Variants in SLC2A1 observed in about 807,000 individuals in gnomAD.
SLC2A1 encodes solute carrier family 2, facilitated glucose transporter member 1.
In SLC2A1, 4 loss-of-function variants were observed where a neutral mutation model predicts 46.6. The observed-to-expected ratio is 0.09, with a 90% CI of 0.04 to 0.20. The LOEUF (loss-of-function observed/expected upper bound fraction) is 0.20. SLC2A1 is among the 10% of genes least tolerant of loss of function. The pLI is 1.00. For synonymous variants in SLC2A1, 253 were observed against 270.0 expected, an observed-to-expected ratio of 0.94 and a Z score of 0.62; for missense variants, 352 against 667.0, an observed-to-expected ratio of 0.53 and a Z score of 5.20.
At chr1:42,943,419 C>T (rs945445972) in intron 1 of SLC2A1, 98 bp from the exon 2 acceptor site, 55 of 915,788 alleles carry the variant, frequency 6.0e-5, no homozygotes, top group Middle Eastern at 4.1e-4. Context: ...AGATATCTTG[C>T]CTGACTCTTG....
chr1:42,944,452 C>T (rs1347667173), intron 1 of SLC2A1, among the ~76,000 whole-genome samples: 1 of 152,196 alleles, frequency 6.6e-6, no homozygotes, highest in Non-Finnish European at 1.5e-5. Context: ...ACTACGCACA[C>T]TATACCAAGC....
intron 1 of SLC2A1, among the ~76,000 whole-genome samples, chr1:42,948,440 C>T (rs958424288): frequency 2.0e-5 from 3 of 152,270 alleles, no homozygotes; most frequent in Admixed American, 2.0e-4. Context: ...AGATGTTGCT[C>T]CATCTTGTCC....
At chr1:42,931,244 G>A (rs201423360) in intron 2 of SLC2A1, 38 bp from the exon 3 acceptor site, 46 of 1,602,946 alleles carry the variant, frequency 2.9e-5, no homozygotes, top group Middle Eastern at 1.7e-4. Flanking sequence ...GCAAGCCAGG[G>A]GCCAGGACCC....
At chr1:42,952,313 C>T (rs1643729417) in intron 1 of SLC2A1, 1 of 459,842 alleles carries the variant, frequency 2.2e-6, no homozygotes, top group Non-Finnish European at 4.4e-6. Flanking sequence ...CTGTGTCCCC[C>T]ACAGTGCTGA....
At chr1:42,955,529 G>T (rs527903845) in intron 1 of SLC2A1, among the ~76,000 whole-genome samples, 1 of 152,166 alleles carries the variant, frequency 6.6e-6, no homozygotes, top group Non-Finnish European at 1.5e-5. Flanking sequence ...AGAATCGCTT[G>T]AGCCTGGGAG....
chr1:42,943,051 A>G, intron 2 of SLC2A1, 175 bp downstream of exon 2: 1 of 651,384 alleles, frequency 1.5e-6, no homozygotes. Context: ...CCTGATTCCA[A>G]AGCAAGAGAA....
chr1:42,931,215 G>A lies in SLC2A1; in HGVS notation c.115-9C>T. The stretch of plus-strand genomic sequence containing the variant: ...TAGAACTCCTCGATCACCTGCAGGG[G>A]GAGATGCAGCCTGGGTGAGCAAGCC... On this transcript the variant is annotated splice_polypyrimidine_tract_variant and intron_variant, in intron 2 of 9. Coordinates refer to ENST00000426263, the MANE Select transcript of SLC2A1 (RefSeq NM_006516.4). 6.2e-7 allele frequency: 1 copy of A among 1,612,874 alleles called. No homozygotes were observed. The highest frequency in any genetic ancestry group is 8.5e-7 in the Non-Finnish European group (1 of 1,178,966).
intron 2 of SLC2A1, chr1:42,942,856 C>T (rs1643612147): frequency 3.0e-6 from 1 of 338,440 alleles, no homozygotes; most frequent in African/African-American, 2.1e-5. Context: ...TGAGACAAGC[C>T]CATGAAAACC....
intron 1 of SLC2A1, among the ~76,000 whole-genome samples, chr1:42,945,978 A>G (rs762191842): frequency 3.3e-5 from 5 of 152,236 alleles, no homozygotes; most frequent in Non-Finnish European, 5.9e-5. Flanking sequence ...TTAAGTGGAA[A>G]ATAATACAAA....
Position 42,927,230 on chromosome 1 carries a change from A to G in SLC2A1, c.1290T>C (p.Gly430=), listed in dbSNP as rs1275216690. Residue 430 remains glycine (G), a synonymous_variant, in exon 10 of 10, where the codon GGT becomes GGC. Coordinates refer to ENST00000426263, the MANE Select transcript of SLC2A1 (RefSeq NM_006516.4). The surrounding 1 kb of genome is among the most constrained non-coding windows in gnomAD (Gnocchi z 5.3). ...CAGTGAAGATGATGAAGACGTAGGG[A>G]CCACACAGTTGCTGAAAGACACACA... The part of the protein sequence containing the change: ...MCFQYVEQLC[G]PYVFIIFTVL... The G allele has an allele frequency of 6.2e-7, 1 of 1,613,992 alleles. No individual in the cohort carries two copies. The highest frequency in any genetic ancestry group is 2.2e-5 in the East Asian group (1 of 44,888).
At chr1:42,931,241 A>G in intron 2 of SLC2A1, 35 bp from the exon 3 acceptor site, 1 of 1,608,602 alleles carries the variant, frequency 6.2e-7, no homozygotes, top group Non-Finnish European at 8.5e-7. Context: ...TGAGCAAGCC[A>G]GGGGCCAGGA....
At position 42,925,949 on chromosome 1, in the gene SLC2A1, T is replaced by C. The variant is rs1451061815; in HGVS notation, c.*1092A>G. ...TATCAAATATGTGATAGAAATGCCT[T>C]GAATGTCAAGATAAAGAATGTATAT... On this transcript the variant is annotated 3_prime_UTR_variant, in exon 10 of 10. Transcript: ENST00000426263. The C allele has an allele frequency of 6.6e-6, 1 of 152,212 alleles. No individual in the cohort carries two copies. The highest frequency in any genetic ancestry group is 1.5e-5 in the Non-Finnish European group (1 of 68,044). 9.4% of individuals were successfully genotyped at this position (152,212 alleles called of 1,614,324 possible).
rs1447837773 is a variant in SLC2A1, at chr1:42,929,794, A to C, written c.680-14T>G. ...GCTTCTTTAGCACTGGGGGGACCGG[A>C]GGGAAGGTGAGGGTGGCTCAGAGTG... On this transcript the variant is annotated splice_polypyrimidine_tract_variant and intron_variant, in intron 5 of 9. Transcript: ENST00000426263. The surrounding 1 kb of genome is among the most constrained non-coding windows in gnomAD (Gnocchi z 6.0). 2 of 1,613,978 alleles carry C rather than the reference A, an allele frequency of 1.2e-6. No homozygotes were observed. Among genetic ancestry groups the C allele is most frequent in the Non-Finnish European group, 1.7e-6 (2 of 1,179,980 alleles).
chr1:42,927,692 C>T lies in SLC2A1; in HGVS notation c.1191G>A (p.Gln397=). ...PWFIVAELFS[Q]GPRPAAIAVA... is the part of the protein sequence containing the mutation. ...CGGCAATGGCAGCTGGACGTGGACC[C>T]TGGCTGAAGAGTTCAGCCACGATGA... is the stretch of plus-strand genomic sequence containing the variant. The change falls in exon 9 of 10, where the codon CAG becomes CAA. Residue 397 remains glutamine (Q), a synonymous_variant. Transcript: ENST00000426263. This position sits in a 1 kb window ranked among gnomAD's most constrained non-coding sequence, Gnocchi z 5.3. 6.2e-7 allele frequency: 1 copy of T among 1,614,164 alleles called. No individual in the cohort carries two copies. Among genetic ancestry groups the T allele is most frequent in the African/African-American group, 1.3e-5 (1 of 75,054 alleles).
At chr1:42,938,787 C>T (rs1391275922) in intron 2 of SLC2A1, among the ~76,000 whole-genome samples, 3 of 152,236 alleles carry the variant, frequency 2.0e-5, no homozygotes, top group African/African-American at 7.2e-5. Flanking sequence ...GGTCAACTAA[C>T]CCTTCAAGGT....
intron 1 of SLC2A1, among the ~76,000 whole-genome samples, chr1:42,956,418 A>AC (rs1195766605): frequency 1.6e-5 from 2 of 128,514 alleles, no homozygotes; most frequent in East Asian, 4.3e-4. Flanking sequence ...AAAAAAAAAA[A>AC]AAAAAAAAAA....
intron 1 of SLC2A1, among the ~76,000 whole-genome samples, chr1:42,945,801 C>CG (rs778340950): frequency 3.2e-4 from 48 of 151,724 alleles, no homozygotes; most frequent in Non-Finnish European, 4.1e-4. Context: ...ATTCTAACCC[C>CG]GGGGGGGCCT....
intron 1 of SLC2A1, chr1:42,952,305 G>C: frequency 4.4e-6 from 2 of 451,756 alleles, no homozygotes; most frequent in South Asian, 3.2e-5. Context: ...AGGCAGCACT[G>C]TGTCCCCCAC....
At position 42,956,407 on chromosome 1, in the gene SLC2A1, CAAAA is replaced by C. The variant is rs71577684; in HGVS notation, c.18+2223_18+2226del. Among the ~76,000 whole-genome samples the C allele has an allele frequency of 4.7e-3, 210 of 44,506 alleles. No homozygotes were observed. The East Asian group carries it at 0.05, about 11-fold the overall frequency. The allele number at this position is 44,506 out of a possible 152,430, so 29.2% of individuals were successfully genotyped here. On this transcript the variant is annotated intron_variant, in intron 1 of 9. Coordinates refer to ENST00000426263, the MANE Select transcript of SLC2A1 (RefSeq NM_006516.4). Reference sequence around the variant, plus strand: ...AGAAACCCCGTCTCTACTAAAACTACAAAAAAAAAAAAAAAAAAAAAAAAAACAT... The same window carrying C: ...AGAAACCCCGTCTCTACTAAAACTACAAAAAAAAAAAAAAAAAAAAAACAT...
Sources: allele counts gnomAD v4.1 joint callset (sites outside exome capture counted in the v4.1 genomes callset), GRCh38; gene constraint gnomAD v4.1.1; non-coding constraint Gnocchi (gnomAD v3.1); transcripts MANE v1.5; gene names NCBI Gene and HGNC (gene_info 2026-07-23, HGNC 2026-07-21).